The following ARHGEF9 variants were observed in gnomAD, a reference collection of about 807,000 sequenced individuals.
ARHGEF9 encodes the protein Cdc42 guanine nucleotide exchange factor 9, also known as rho guanine nucleotide exchange factor 9.
In ARHGEF9, 2 loss-of-function variants were observed where a neutral mutation model predicts 41.3. That is an observed-to-expected ratio of 0.05 (90% CI 0.02 to 0.15). The LOEUF is 0.15. Among genes scored for constraint, ARHGEF9 ranks in the 10% least tolerant of loss-of-function variants. ARHGEF9 has a pLI of 1.00. For missense variants in ARHGEF9, 225 were observed against 424.7 expected (o/e 0.53, Z 4.13); for synonymous variants, 160 against 154.4 (o/e 1.04, Z -0.27).
chrX:63,756,466 A>C (rs1473830856), intron 1 of ARHGEF9, among the ~76,000 whole-genome samples: 1 of 112,671 alleles, frequency 8.9e-6, no homozygotes. Flanking sequence ...TGTGGTATAT[A>C]CATACAATGA....
At chrX:63,690,971 A>C (rs1318435380) in intron 4 of ARHGEF9, among the ~76,000 whole-genome samples, 1 of 111,926 alleles carries the variant, frequency 8.9e-6, no homozygotes, top group East Asian at 2.8e-4. Flanking sequence ...TGGGTACAGA[A>C]GGAACATGCA....
intron 1 of ARHGEF9, among the ~76,000 whole-genome samples, chrX:63,740,226 G>A (rs1556425562): frequency 8.9e-6 from 1 of 112,084 alleles, no homozygotes; most frequent in Non-Finnish European, 1.9e-5. Flanking sequence ...TTCTTTCCCA[G>A]AATGACTGAC....
chrX:63,653,942 T>C (rs1556332671), intron 8 of ARHGEF9, among the ~76,000 whole-genome samples: 1 of 111,072 alleles, frequency 9.0e-6, no homozygotes, highest in Non-Finnish European at 1.9e-5. Context: ...ATTATATCTA[T>C]CCACTATAGA....
intron 1 of ARHGEF9, among the ~76,000 whole-genome samples, chrX:63,742,432 C>T (rs1335607611): frequency 9.0e-6 from 1 of 111,264 alleles, no homozygotes; most frequent in Non-Finnish European, 1.9e-5. Flanking sequence ...CGTGGATTAG[C>T]ACCTGCAGAT....
intron 2 of ARHGEF9, chrX:63,707,583 C>T (rs782198018): frequency 2.7e-5 from 3 of 110,942 alleles, no homozygotes; most frequent in South Asian, 7.8e-4. Context: ...AGCCAAAGAG[C>T]TTGCCAGTTG....
chrX:63,747,620 C>A (rs1452035802), intron 1 of ARHGEF9, among the ~76,000 whole-genome samples: 2 of 111,850 alleles, frequency 1.8e-5, no homozygotes, highest in Admixed American at 9.4e-5. Context: ...GCCAGGAAAC[C>A]ACTATGATCA....
chrX:63,646,450 C>A (rs1318615970), intron 8 of ARHGEF9, among the ~76,000 whole-genome samples: 1 of 111,998 alleles, frequency 8.9e-6, no homozygotes, highest in African/African-American at 3.2e-5. Context: ...CTCCATATGG[C>A]TAGCCAGTTT....
intron 1 of ARHGEF9, chrX:63,755,283 G>C: frequency 1.1e-6 from 1 of 902,507 alleles, no homozygotes; most frequent in Non-Finnish European, 1.4e-6. Context: ...TGCTAGCCGC[G>C]ACCGCCAATC....
intron 9 of ARHGEF9, chrX:63,639,757 A>G (rs1343328388): frequency 1.8e-5 from 2 of 112,699 alleles, no homozygotes; most frequent in African/African-American, 6.4e-5. Context: ...TGTAGTATAC[A>G]TACACAGTGG....
At chrX:63,648,796 C>T (rs1239544723) in intron 8 of ARHGEF9, among the ~76,000 whole-genome samples, 2 of 111,175 alleles carry the variant, frequency 1.8e-5, no homozygotes, top group African/African-American at 6.6e-5. Flanking sequence ...GCAGGGGTTG[C>T]AATCCTAGTC....
At chrX:63,673,527 G>T (rs1422600669) in intron 6 of ARHGEF9, among the ~76,000 whole-genome samples, 5 of 110,794 alleles carry the variant, frequency 4.5e-5, no homozygotes, top group African/African-American at 1.6e-4. Context: ...TGAAAACTGT[G>T]GATTTGGCAG....
intron 1 of ARHGEF9, among the ~76,000 whole-genome samples, chrX:63,777,960 T>C (rs1210092344): frequency 4.5e-5 from 5 of 112,343 alleles, no homozygotes; most frequent in African/African-American, 1.6e-4. Flanking sequence ...AGCTATTGAA[T>C]CTATCATTCT....
chrX:63,774,892 G>A lies in ARHGEF9; in HGVS notation c.30+10224C>T, dbSNP rs113653073. ...GAGTAAACAGACAACTTACAGAATG[G>A]GAGAAAATGTTTGAAAACTATGTAT... On this transcript the variant is annotated intron_variant, in intron 1 of 9. Transcript: ENST00000671741. Among the ~76,000 whole-genome samples, 299 of 111,442 alleles carry A rather than the reference G, an allele frequency of 2.7e-3. 1 individual carries two copies. The highest frequency in any genetic ancestry group is 9.1e-3 in the African/African-American group (279 of 30,699).
intron 2 of ARHGEF9, among the ~76,000 whole-genome samples, chrX:63,720,038 G>A (rs1556412683): frequency 2.7e-5 from 3 of 111,307 alleles, no homozygotes; most frequent in African/African-American, 9.8e-5. Flanking sequence ...ACTATAACAC[G>A]CATGCCCAGG....
intron 3 of ARHGEF9, among the ~76,000 whole-genome samples, chrX:63,700,566 A>C (rs1329798995): frequency 8.9e-6 from 1 of 111,786 alleles, no homozygotes; most frequent in Non-Finnish European, 1.9e-5. Context: ...GAGAGGCAAA[A>C]ATGGGAGAGG....
In ARHGEF9 at chrX:63,665,328, T is replaced by G. The variant is rs782667106; in HGVS notation, c.1077+558A>C. ...CTAATGGATTACAAAGAAGGAAGAG[T>G]GGAGAAGAGCACGGTTGGGGGTTGT... On this transcript the variant is annotated intron_variant, in intron 7 of 9. Coordinates refer to ENST00000671741, the MANE Select transcript of ARHGEF9 (RefSeq NM_001353921.2). Among the ~76,000 whole-genome samples the G allele has an allele frequency of 5.2e-3, 575 of 110,726 alleles. 4 individuals are homozygous for G. The highest frequency in any genetic ancestry group is 0.018 in the African/African-American group (538 of 30,503).
chrX:63,686,702 A>AT (rs1270985444), intron 4 of ARHGEF9, among the ~76,000 whole-genome samples: 1 of 111,281 alleles, frequency 9.0e-6, no homozygotes, highest in Non-Finnish European at 1.9e-5. Context: ...ATAGCACAGT[A>AT]TATGTAGCTT....
At chrX:63,654,729 T>C (rs201223776) in intron 8 of ARHGEF9, among the ~76,000 whole-genome samples, 1 of 111,476 alleles carries the variant, frequency 9.0e-6, no homozygotes, top group Non-Finnish European at 1.9e-5. Flanking sequence ...CCATAAGCAA[T>C]AGGGCAAAGA....
chrX:63,655,357 A>T (rs1298984363), intron 8 of ARHGEF9, 137 bp downstream of exon 8: 13 of 947,316 alleles, frequency 1.4e-5, no homozygotes, highest in Non-Finnish European at 1.9e-5. Flanking sequence ...AAAGAACCTA[A>T]TAATAAGGAA....
Sources: gnomAD v4.1 joint callset for allele counts (sites outside exome capture counted in the v4.1 genomes callset) on GRCh38, gnomAD v4.1.1 for gene constraint, MANE v1.5 for transcripts, NCBI Gene and HGNC (gene_info 2026-07-23, HGNC 2026-07-21) for gene names.